Variants in AFF3 observed in about 807,000 individuals in gnomAD.
AFF3 encodes ALF transcription elongation factor 3, also known as AF4/FMR2 family member 3.
In AFF3, 32 loss-of-function variants were observed where a neutral mutation model predicts 129.7. The ratio of observed to expected loss-of-function variants is 0.25; its 90% CI spans 0.19 to 0.33. The LOEUF (loss-of-function observed/expected upper bound fraction) is 0.33. Among genes scored for constraint, AFF3 ranks in the 10% least tolerant of loss-of-function variants. The probability of loss-of-function intolerance (pLI) is 1.00; values close to 1 mark genes in which losing one functional copy is unlikely to be tolerated. For missense variants in AFF3, 1,373 were observed against 1,592.0 expected (o/e 0.86, Z 2.34); for synonymous variants, 644 against 635.4 (o/e 1.01, Z -0.20).
At chr2:99,878,941 A>G (rs531390489) in intron 7 of AFF3, among the ~76,000 whole-genome samples, 2 of 152,346 alleles carry the variant, frequency 1.3e-5, no homozygotes, top group African/African-American at 2.4e-5. Context: ...AAGTTAGAAA[A>G]AAAACAACTA....
intron 7 of AFF3, among the ~76,000 whole-genome samples, chr2:99,912,439 A>G (rs1199381312): frequency 6.6e-6 from 1 of 152,224 alleles, no homozygotes; most frequent in Non-Finnish European, 1.5e-5. Flanking sequence ...CCTCAAATTT[A>G]CAACTATGCT....
chr2:100,103,497 C>A, intron 4 of AFF3, among the ~76,000 whole-genome samples: 1 of 134,646 alleles, frequency 7.4e-6, no homozygotes, highest in Non-Finnish European at 1.6e-5. Context: ...TGGTTGGAAA[C>A]ATTTAAGAGA....
chr2:99,820,269 C>G (rs578161584), intron 8 of AFF3, among the ~76,000 whole-genome samples: 1 of 152,290 alleles, frequency 6.6e-6, no homozygotes, highest in East Asian at 1.9e-4. Context: ...AACTGTGCAG[C>G]ATGTTACTGT....
At chr2:99,621,623 T>A (rs1682022995) in intron 13 of AFF3, among the ~76,000 whole-genome samples, 1 of 152,212 alleles carries the variant, frequency 6.6e-6, no homozygotes, top group African/African-American at 2.4e-5. Flanking sequence ...CATGTCCTTA[T>A]AGTTGGAGGA....
chr2:99,873,631 C>A (rs867593999), intron 7 of AFF3, among the ~76,000 whole-genome samples: 1 of 151,836 alleles, frequency 6.6e-6, no homozygotes, highest in African/African-American at 2.4e-5. Flanking sequence ...ACAAAGCTGG[C>A]CTATGGAGAT....
intron 8 of AFF3, among the ~76,000 whole-genome samples, chr2:99,797,917 C>G (rs1576014080): frequency 6.6e-6 from 1 of 152,006 alleles, no homozygotes; most frequent in Admixed American, 6.6e-5. Context: ...AAAGGAAGCC[C>G]TTGAGGCAGA....
chr2:99,849,639 C>T (rs531168226), intron 7 of AFF3, among the ~76,000 whole-genome samples: 45 of 152,104 alleles, frequency 3.0e-4, no homozygotes, highest in African/African-American at 4.6e-4. Context: ...TATATAAATA[C>T]GATTATTTTA....
chr2:100,123,608 G>T (rs1431638533), intron 2 of AFF3, among the ~76,000 whole-genome samples: 1 of 152,162 alleles, frequency 6.6e-6, no homozygotes, highest in Non-Finnish European at 1.5e-5. Context: ...GGCATCGATA[G>T]TGTTGAATAG....
chr2:99,934,868 C>A (rs1167582828), intron 7 of AFF3, among the ~76,000 whole-genome samples: 6 of 152,208 alleles, frequency 3.9e-5, no homozygotes, highest in Admixed American at 3.9e-4. Context: ...ACTTAGCTAG[C>A]AGGGTCTGCC....
chr2:99,739,813 T>A (rs1010167321), intron 10 of AFF3, among the ~76,000 whole-genome samples: 1 of 152,104 alleles, frequency 6.6e-6, no homozygotes, highest in Admixed American at 6.5e-5. Flanking sequence ...TTTTAATTTT[T>A]ATTTTATTAT....
chr2:100,135,417 C>T (rs1250371684), intron 1 of AFF3, among the ~76,000 whole-genome samples: 1 of 152,184 alleles, frequency 6.6e-6, no homozygotes, highest in African/African-American at 2.4e-5. Context: ...CTTCTGCTTC[C>T]TGCCTCTTAG....
intron 8 of AFF3, among the ~76,000 whole-genome samples, chr2:99,791,688 G>A (rs1435062530): frequency 1.3e-5 from 2 of 152,298 alleles, no homozygotes; most frequent in Non-Finnish European, 2.9e-5. Context: ...CGCACAGAAT[G>A]GTGAAAACCA....
intron 7 of AFF3, among the ~76,000 whole-genome samples, chr2:99,882,055 GTCTCTC>G (rs754624516): frequency 2.6e-4 from 38 of 148,556 alleles, no homozygotes; most frequent in African/African-American, 4.7e-4. Context: ...TCATTTGCCT[GTCTCTC>G]TCTCTCTCTC....
chr2:99,905,133 T>C (rs901243054), intron 7 of AFF3, among the ~76,000 whole-genome samples: 1 of 152,192 alleles, frequency 6.6e-6, no homozygotes, highest in Admixed American at 6.5e-5. Flanking sequence ...ATGCTACCCA[T>C]GGCAGCATCA....
chr2:99,638,623 G>A (rs1683898188), intron 13 of AFF3, among the ~76,000 whole-genome samples: 1 of 152,162 alleles, frequency 6.6e-6, no homozygotes, highest in Non-Finnish European at 1.5e-5. Context: ...AGAAGGAAAG[G>A]ACGCATGTCC....
At chr2:99,645,350 A>T (rs891718602) in intron 13 of AFF3, among the ~76,000 whole-genome samples, 1 of 151,894 alleles carries the variant, frequency 6.6e-6, no homozygotes, top group African/African-American at 2.4e-5. Flanking sequence ...AACAAACAAA[A>T]CCAGAAAAGA....
chr2:99,820,873 T>TA (rs1265802971), intron 8 of AFF3, among the ~76,000 whole-genome samples: 19 of 125,662 alleles, frequency 1.5e-4, no homozygotes, highest in African/African-American at 5.2e-4. Flanking sequence ...TCCACATCTT[T>TA]TTTTTTTTTT....
chr2:99,858,081 C>T (rs1690657238), intron 7 of AFF3, among the ~76,000 whole-genome samples: 1 of 152,098 alleles, frequency 6.6e-6, no homozygotes, highest in African/African-American at 2.4e-5. Flanking sequence ...CAGCAGGGCT[C>T]ACCAGCCTGA....
chr2:99,867,323 TGG>T (rs3072545), intron 7 of AFF3, among the ~76,000 whole-genome samples: 52,840 of 151,774 alleles, frequency 0.35, 9,950 homozygotes, highest in East Asian at 0.52. Flanking sequence ...CACTCACAAA[TGG>T]GGTTGACATT....
Sources: gnomAD v4.1 joint callset for allele counts (sites outside exome capture counted in the v4.1 genomes callset) on GRCh38, gnomAD v4.1.1 for gene constraint, MANE v1.5 for transcripts, NCBI Gene and HGNC (gene_info 2026-07-23, HGNC 2026-07-21) for gene names.